The following CNTN4 variants were observed in gnomAD, a reference collection of about 807,000 sequenced individuals.
CNTN4 encodes the protein contactin-4.
Under a neutral mutation model 122.5 loss-of-function variants are expected in CNTN4, and 77 were observed. That is an observed-to-expected ratio of 0.63 (90% CI 0.52 to 0.76). The LOEUF (loss-of-function observed/expected upper bound fraction) is 0.76, where lower values mean the gene tolerates loss of function less well. Ranked by LOEUF, CNTN4 falls within the 30% of genes least tolerant of loss-of-function variation. The pLI is 0.00. For synonymous variants in CNTN4, 512 were observed against 447.0 expected (o/e 1.15, Z -1.83); for missense variants, 1,256 against 1,259.1 (o/e 1.00, Z 0.04).
intron 8 of CNTN4, among the ~76,000 whole-genome samples, chr3:2,875,246 C>G (rs5008319): frequency 0.59 from 90,356 of 152,014 alleles, 27,422 homozygotes; most frequent in East Asian, 0.78. Flanking sequence ...GCCTCCCAAA[C>G]TGCTGGGATT....
chr3:2,999,447 A>G lies in CNTN4; in HGVS notation c.1486+10975A>G, dbSNP rs1188410180. Among the ~76,000 whole-genome samples, 3 of 152,142 alleles carry G rather than the reference A, an allele frequency of 2.0e-5. No homozygotes were observed. In the East Asian group the frequency reaches 5.8e-4, roughly 29 times the overall value. On this transcript the variant is annotated intron_variant, in intron 14 of 24. Coordinates refer to ENST00000418658, the MANE Select transcript of CNTN4 (RefSeq NM_175607.3). ...GTGCTGCTATAATAAAATACCATAG[A>G]CTGGGTAACTTGTGAACAATAGCAG...
chr3:2,715,801 A>C (rs1017624080), intron 4 of CNTN4, among the ~76,000 whole-genome samples: 1 of 152,136 alleles, frequency 6.6e-6, no homozygotes, highest in African/African-American at 2.4e-5. Flanking sequence ...AGACAGTATC[A>C]TGTCAGACAA....
intron 12 of CNTN4, among the ~76,000 whole-genome samples, chr3:2,911,299 A>G (rs1001559109): frequency 1.3e-5 from 2 of 152,188 alleles, no homozygotes; most frequent in African/African-American, 4.8e-5. Context: ...GCAGCACTAG[A>G]AAGTCCACAG....
intron 12 of CNTN4, among the ~76,000 whole-genome samples, chr3:2,921,782 T>G (rs2094432005): frequency 1.3e-5 from 2 of 152,208 alleles, no homozygotes; most frequent in Non-Finnish European, 2.9e-5. Context: ...GGAGCTATCA[T>G]TCTACTGTTT....
At chr3:2,995,215 G>A (rs1404099416) in intron 14 of CNTN4, among the ~76,000 whole-genome samples, 1 of 152,030 alleles carries the variant, frequency 6.6e-6, no homozygotes, top group Non-Finnish European at 1.5e-5. Context: ...AGAAGGGTAG[G>A]TAATTGTGCA....
At chr3:2,986,974 G>T (rs1694638491) in intron 13 of CNTN4, among the ~76,000 whole-genome samples, 1 of 152,204 alleles carries the variant, frequency 6.6e-6, no homozygotes, top group Admixed American at 6.5e-5. Context: ...AAGAAATAAA[G>T]TGGCTGCAGG....
intron 7 of CNTN4, among the ~76,000 whole-genome samples, chr3:2,828,685 A>G (rs1411973547): frequency 6.6e-6 from 1 of 152,170 alleles, no homozygotes; most frequent in East Asian, 1.9e-4. Context: ...GTGATAGGTT[A>G]ATCAACATCA....
intron 6 of CNTN4, among the ~76,000 whole-genome samples, chr3:2,791,385 T>C (rs2092005255): frequency 6.6e-6 from 1 of 151,834 alleles, no homozygotes; most frequent in African/African-American, 2.4e-5. Context: ...TACAAAAAAT[T>C]AGCTGAGCAT....
chr3:2,356,781 G>A (rs530496462), intron 3 of CNTN4, among the ~76,000 whole-genome samples: 146 of 152,172 alleles, frequency 9.6e-4, no homozygotes, highest in Admixed American at 1.2e-3. Context: ...TTTCAGCTCT[G>A]GTCAGGAACT....
intron 9 of CNTN4, among the ~76,000 whole-genome samples, chr3:2,885,975 C>T (rs1337966750): frequency 6.6e-6 from 1 of 152,120 alleles, no homozygotes; most frequent in African/African-American, 2.4e-5. Context: ...TCAGGGCTGC[C>T]ATGAGACAGA....
intron 3 of CNTN4, among the ~76,000 whole-genome samples, chr3:2,477,086 A>G (rs1355155946): frequency 1.3e-5 from 2 of 152,202 alleles, no homozygotes; most frequent in Non-Finnish European, 2.9e-5. Flanking sequence ...TGAAGCCCAT[A>G]AGATGAAATT....
rs117010409 is a variant in CNTN4, at chr3:2,957,422, A to G, written c.1359-30923A>G. Among the ~76,000 whole-genome samples, 137 of 152,230 alleles carry G rather than the reference A, an allele frequency of 9.0e-4. 3 individuals carry two copies. In the East Asian group the frequency reaches 0.024, roughly 27 times the overall value. ...AGCACCTTTTCATATGCCTTTGGCC[A>G]TTTACATGTCTTCTTTTTTTATTTC... On this transcript the variant is annotated intron_variant, in intron 13 of 24. Transcript: ENST00000418658.
chr3:2,571,722 T>C (rs749234886), intron 4 of CNTN4, among the ~76,000 whole-genome samples, 164 bp downstream of exon 4: 1 of 152,214 alleles, frequency 6.6e-6, no homozygotes, highest in Non-Finnish European at 1.5e-5. Flanking sequence ...TGATGGTCTT[T>C]TAGTGACTCT....
chr3:2,121,788 C>T (rs1006287551), intron 2 of CNTN4, among the ~76,000 whole-genome samples: 11 of 152,182 alleles, frequency 7.2e-5, no homozygotes, highest in Admixed American at 2.6e-4. Flanking sequence ...GGGTCTGATA[C>T]CTTGATTAAT....
chr3:2,394,760 A>G (rs992743041), intron 3 of CNTN4, among the ~76,000 whole-genome samples: 2 of 149,360 alleles, frequency 1.3e-5, no homozygotes, highest in Non-Finnish European at 3.0e-5. Context: ...AATTGAAAAC[A>G]TGTCTACAAC....
intron 2 of CNTN4, among the ~76,000 whole-genome samples, chr3:2,120,368 T>TAA (rs1427289206): frequency 2.6e-4 from 13 of 49,180 alleles, no homozygotes; most frequent in African/African-American, 7.4e-4. Flanking sequence ...TATATATATA[T>TAA]ATATAAATAT....
At chr3:2,670,130 C>G (rs916217108) in intron 4 of CNTN4, among the ~76,000 whole-genome samples, 2 of 152,126 alleles carry the variant, frequency 1.3e-5, no homozygotes, top group Non-Finnish European at 2.9e-5. Context: ...GAGCTGAGTT[C>G]AATTCCTGGA....
chr3:2,335,797 G>T (rs1575403908), intron 2 of CNTN4, among the ~76,000 whole-genome samples: 1 of 152,150 alleles, frequency 6.6e-6, no homozygotes, highest in East Asian at 1.9e-4. Context: ...AACATCAACT[G>T]AGGTATCATT....
intron 2 of CNTN4, among the ~76,000 whole-genome samples, chr3:2,121,924 G>T (rs2033810896): frequency 6.6e-6 from 1 of 152,006 alleles, no homozygotes; most frequent in Non-Finnish European, 1.5e-5. Context: ...CCAGCACTTT[G>T]GGAGGCCGAG....
Sources: allele counts gnomAD v4.1 joint callset (sites outside exome capture counted in the v4.1 genomes callset), GRCh38; gene constraint gnomAD v4.1.1; transcripts MANE v1.5; gene names NCBI Gene and HGNC (gene_info 2026-07-23, HGNC 2026-07-21).